WDHD1: variants seen among roughly 807,000 people sequenced by gnomAD.
WDHD1 encodes WD repeat and HMG-box DNA-binding protein 1.
WDHD1 carries 111 observed loss-of-function variants against 135.4 expected under a neutral mutation model. That is an observed-to-expected ratio of 0.82 (90% CI 0.70 to 0.96). The LOEUF (loss-of-function observed/expected upper bound fraction) is 0.96, where lower values mean the gene tolerates loss of function less well. WDHD1 is among the 40% of genes least tolerant of loss of function. The pLI, the probability that WDHD1 is intolerant of heterozygous loss-of-function variation, is 0.00. For synonymous variants in WDHD1, 434 were observed against 439.0 expected (o/e 0.99, Z 0.14); for missense variants, 1,351 against 1,336.3 (o/e 1.01, Z -0.17).
At chr14:54,948,087 G>T (rs1030149330) in intron 24 of WDHD1, among the ~76,000 whole-genome samples, 2 of 151,850 alleles carry the variant, frequency 1.3e-5, no homozygotes, top group Non-Finnish European at 2.9e-5. Context: ...CAAGATGGTC[G>T]AATAGGAAGA....
At chr14:54,969,563 T>G (rs546819870) in intron 16 of WDHD1, among the ~76,000 whole-genome samples, 2 of 152,120 alleles carry the variant, frequency 1.3e-5, no homozygotes, top group South Asian at 4.1e-4. Context: ...CAAAATTGAA[T>G]CGTAATAAAT....
chr14:54,971,806 A>G (rs1477840549), intron 16 of WDHD1, among the ~76,000 whole-genome samples: 1 of 151,976 alleles, frequency 6.6e-6, no homozygotes, highest in Admixed American at 6.6e-5. Context: ...TCCAGAGTCT[A>G]TAAGGAACTT....
chr14:54,977,983 T>C lies in WDHD1; in HGVS notation c.2063+3557A>G, dbSNP rs922966912. Among the ~76,000 whole-genome samples the C allele has an allele frequency of 5.3e-5, 8 of 150,510 alleles. No individual in the cohort carries two copies. In the South Asian group the frequency reaches 8.3e-4, roughly 16 times the overall value. On this transcript the variant is annotated intron_variant, in intron 16 of 25. Coordinates refer to ENST00000360586, the MANE Select transcript of WDHD1 (RefSeq NM_007086.4). ...ATTACTAAGGGTGTGAAAACTGCAA[T>C]TGATGAAATACTTGTAATATTAAAT...
intron 24 of WDHD1, among the ~76,000 whole-genome samples, chr14:54,953,557 G>A (rs1384075282): frequency 2.0e-5 from 3 of 152,230 alleles, no homozygotes; most frequent in East Asian, 1.9e-4. Context: ...TGTGGAAGGC[G>A]GTGTGGCGAT....
chr14:54,954,360 G>T (rs1324957730), intron 24 of WDHD1, among the ~76,000 whole-genome samples: 1 of 152,146 alleles, frequency 6.6e-6, no homozygotes, highest in Non-Finnish European at 1.5e-5. Context: ...TGTGTTTGTG[G>T]ACAAAGAGGA....
intron 16 of WDHD1, among the ~76,000 whole-genome samples, chr14:54,969,984 C>T (rs1302333828): frequency 3.3e-5 from 5 of 152,084 alleles, no homozygotes; most frequent in Admixed American, 2.0e-4. Flanking sequence ...AAAAAGCTTT[C>T]GATAAAATTC....
At chr14:55,017,068 A>C (rs28489712) in intron 2 of WDHD1, among the ~76,000 whole-genome samples, 5,027 of 152,314 alleles carry the variant, frequency 0.033, 315 homozygotes, top group African/African-American at 0.12. Context: ...AACAAAGTAA[A>C]TCTTCTGGAA....
At chr14:54,992,735 C>G (rs1187963864) in intron 11 of WDHD1, among the ~76,000 whole-genome samples, 1 of 151,734 alleles carries the variant, frequency 6.6e-6, no homozygotes, top group African/African-American at 2.4e-5. Context: ...GGCAACAAAG[C>G]AAGATTCCAT....
intron 24 of WDHD1, among the ~76,000 whole-genome samples, chr14:54,954,049 C>CACATGTGTACATGTGTACATATGT (rs1242856682): frequency 1.3e-5 from 2 of 151,400 alleles, no homozygotes. Context: ...ACCAACATGG[C>CACATGTGTACATGTGTACATATGT]ACATGTGTAC....
At chr14:54,966,164 TAAAAAAA>T (rs34071862) in intron 18 of WDHD1, among the ~76,000 whole-genome samples, 2 of 67,198 alleles carry the variant, frequency 3.0e-5, no homozygotes, top group African/African-American at 1.4e-4. Context: ...CCATCTCTAC[TAAAAAAA>T]AAAAAAAAAA....
At chr14:54,993,792 A>T (rs1323783789) in intron 11 of WDHD1, among the ~76,000 whole-genome samples, 1 of 152,090 alleles carries the variant, frequency 6.6e-6, no homozygotes, top group Non-Finnish European at 1.5e-5. Flanking sequence ...TGTTTACATG[A>T]GTTTATTAAT....
At chr14:55,024,059 G>A (rs546489315) in intron 2 of WDHD1, among the ~76,000 whole-genome samples, 11 of 151,890 alleles carry the variant, frequency 7.2e-5, no homozygotes, top group East Asian at 3.9e-4. Flanking sequence ...TACATGGTTC[G>A]TCTGCTAGTT....
rs201722734 is a variant in WDHD1, at chr14:54,966,476, G to A, written c.2309C>T (p.Ala770Val). Residue 770 changes from alanine to valine, a missense_variant and splice_region_variant, in exon 18 of 26, where the codon GCG becomes GTG. Ala to Val is a moderately conservative substitution (Grantham distance 64). Transcript: ENST00000360586. ...TTTCAGTATATTTATTTTACTCACC[G>A]CAAGCATTTTCATTAAAAGTTCCTG... is the stretch of plus-strand genomic sequence containing the variant. ...EQQELLMKML[A>V]LSCKLEREFR... is the part of the protein sequence containing the mutation. The A allele has an allele frequency of 6.4e-5, 102 of 1,595,742 alleles. No homozygotes were observed. Among genetic ancestry groups the A allele is most frequent in the African/African-American group, 4.4e-4 (32 of 73,538 alleles).
chr14:55,023,275 T>C (rs2042379409), intron 2 of WDHD1, among the ~76,000 whole-genome samples: 1 of 152,358 alleles, frequency 6.6e-6, no homozygotes, highest in Admixed American at 6.5e-5. Flanking sequence ...TAGCTATGCC[T>C]TTCTATTGCA....
intron 24 of WDHD1, among the ~76,000 whole-genome samples, chr14:54,949,106 C>G (rs554558201): frequency 3.9e-5 from 6 of 152,162 alleles, no homozygotes; most frequent in Non-Finnish European, 7.4e-5. Context: ...TCTCCCCCCC[C>G]AAAGGAACGC....
At chr14:54,952,481 T>C (rs996712611) in intron 24 of WDHD1, among the ~76,000 whole-genome samples, 3 of 152,026 alleles carry the variant, frequency 2.0e-5, no homozygotes, top group Admixed American at 6.6e-5. Flanking sequence ...CACTGCTCAA[T>C]GAAATAAAAG....
chr14:55,024,741 G>T (rs956450719), intron 2 of WDHD1, among the ~76,000 whole-genome samples: 176 of 145,160 alleles, frequency 1.2e-3, no homozygotes, highest in African/African-American at 4.2e-3. Context: ...TGGATTAAGG[G>T]CGGTGCAAGA....
At chr14:54,947,662 G>C (rs1476007004) in intron 24 of WDHD1, among the ~76,000 whole-genome samples, 1 of 151,988 alleles carries the variant, frequency 6.6e-6, no homozygotes, top group African/African-American at 2.4e-5. Context: ...CACAATCTTG[G>C]CTCATTGCAG....
At chr14:55,017,421 C>A (rs894700646) in intron 2 of WDHD1, among the ~76,000 whole-genome samples, 3 of 152,026 alleles carry the variant, frequency 2.0e-5, no homozygotes, top group African/African-American at 4.8e-5. Flanking sequence ...CGGGTCACTG[C>A]AACCTCCACT....
Sources: gnomAD v4.1 joint callset for allele counts (sites outside exome capture counted in the v4.1 genomes callset) on GRCh38, gnomAD v4.1.1 for gene constraint, MANE v1.5 for transcripts, NCBI Gene and HGNC (gene_info 2026-07-23, HGNC 2026-07-21) for gene names.